The following ANO2 variants were observed in gnomAD, a reference collection of about 807,000 sequenced individuals.
The protein encoded by ANO2 is anoctamin-2.
A neutral mutation model predicts 124.2 loss-of-function variants in ANO2; 101 were observed. The ratio of observed to expected loss-of-function variants is 0.81; its 90% CI spans 0.69 to 0.96. ANO2 has a LOEUF of 0.96. ANO2 is among the 40% of genes least tolerant of loss of function. The probability of loss-of-function intolerance (pLI) is 0.00; values close to 1 mark genes in which losing one functional copy is unlikely to be tolerated. For missense variants in ANO2, 1,293 were observed against 1,274.5 expected, an observed-to-expected ratio of 1.01 and a Z score of -0.22; for synonymous variants, 486 against 482.5, an observed-to-expected ratio of 1.01 and a Z score of -0.09.
intron 3 of ANO2, among the ~76,000 whole-genome samples, chr12:5,867,230 G>T (rs1181582905): frequency 2.0e-5 from 3 of 152,192 alleles, no homozygotes; most frequent in Non-Finnish European, 4.4e-5. Context: ...TTCAGCTAAA[G>T]AACTCTTTCT....
intron 6 of ANO2, among the ~76,000 whole-genome samples, chr12:5,829,865 G>GCTAC (rs574350822): frequency 1.9e-3 from 284 of 152,296 alleles, no homozygotes; most frequent in African/African-American, 6.6e-3. Flanking sequence ...TAGAAGAAGA[G>GCTAC]CTACGGTCAC....
intron 20 of ANO2, among the ~76,000 whole-genome samples, chr12:5,593,954 C>T (rs527434175): frequency 6.6e-6 from 1 of 152,174 alleles, no homozygotes; most frequent in Admixed American, 6.5e-5. Flanking sequence ...AAAAGTATGT[C>T]CTTAAAGGAT....
intron 14 of ANO2, among the ~76,000 whole-genome samples, chr12:5,696,305 C>A (rs746231577): frequency 1.8e-4 from 27 of 152,100 alleles, no homozygotes; most frequent in Admixed American, 3.3e-4. Flanking sequence ...TTTAAAATCA[C>A]AAAGGCAACA....
intron 13 of ANO2, among the ~76,000 whole-genome samples, chr12:5,738,435 T>C (rs1950962195): frequency 6.6e-6 from 1 of 152,216 alleles, no homozygotes; most frequent in South Asian, 2.1e-4. Flanking sequence ...AAGTGCCTCC[T>C]GGCCCTTCTA....
chr12:5,945,375 C>T (rs2136331596), upstream of ANO2: 2 of 738,340 alleles, frequency 2.7e-6, no homozygotes, highest in East Asian at 2.6e-4. Context: ...CCGCCGGCGC[C>T]GCGCAGCCAC....
chr12:5,698,755 C>T (rs977111560), intron 14 of ANO2, among the ~76,000 whole-genome samples: 12 of 152,106 alleles, frequency 7.9e-5, no homozygotes, highest in Non-Finnish European at 1.3e-4. Context: ...CCTTAAATGA[C>T]CTGATGGAGC....
At chr12:5,935,863 T>C (rs1942627205) in intron 1 of ANO2, among the ~76,000 whole-genome samples, 1 of 152,202 alleles carries the variant, frequency 6.6e-6, no homozygotes, top group Admixed American at 6.5e-5. Flanking sequence ...CAACCAGGGT[T>C]GAGACCATTA....
chr12:5,610,983 T>TTCTTTGCTTTTTTTTTTG (rs1944519019), intron 19 of ANO2, among the ~76,000 whole-genome samples: 1 of 121,658 alleles, frequency 8.2e-6, no homozygotes, highest in African/African-American at 3.1e-5. Flanking sequence ...TTTTTTTTTT[T>TTCTTTGCTTTTTTTTTTG]TTTTTTGAGA....
At chr12:5,761,375 T>C (rs1000587840) in intron 10 of ANO2, among the ~76,000 whole-genome samples, 2 of 152,148 alleles carry the variant, frequency 1.3e-5, no homozygotes, top group African/African-American at 4.8e-5. Flanking sequence ...ACATCCCCCA[T>C]AAGATTACTT....
chr12:5,831,663 T>C (rs536065379), intron 5 of ANO2, among the ~76,000 whole-genome samples: 1 of 152,166 alleles, frequency 6.6e-6, no homozygotes, highest in Non-Finnish European at 1.5e-5. Context: ...TGTAGGATAA[T>C]ATCAAACACA....
At chr12:5,592,787 G>T (rs1287789178) in intron 20 of ANO2, among the ~76,000 whole-genome samples, 1 of 152,186 alleles carries the variant, frequency 6.6e-6, no homozygotes, top group Non-Finnish European at 1.5e-5. Flanking sequence ...AGCGAGGTAA[G>T]TATCCACAAA....
At chr12:5,630,107 T>TC (rs1262024332) in intron 16 of ANO2, among the ~76,000 whole-genome samples, 1 of 152,160 alleles carries the variant, frequency 6.6e-6, no homozygotes, top group Non-Finnish European at 1.5e-5. Context: ...AGGAAACTGG[T>TC]CTTCCATTAC....
At chr12:5,608,547 C>T (rs3782594) in intron 19 of ANO2, among the ~76,000 whole-genome samples, 26,825 of 151,922 alleles carry the variant, frequency 0.18, 2,663 homozygotes, top group Non-Finnish European at 0.22. Flanking sequence ...GGTGTTAGAG[C>T]TTGAAGACAC....
intron 3 of ANO2, among the ~76,000 whole-genome samples, chr12:5,860,945 A>G (rs73255193): frequency 6.6e-6 from 1 of 152,204 alleles, no homozygotes; most frequent in South Asian, 2.1e-4. Flanking sequence ...CAAGGCTTCA[A>G]ATGTCAGTCT....
At chr12:5,733,212 C>T in intron 13 of ANO2, 1 of 418,234 alleles carries the variant, frequency 2.4e-6, no homozygotes, top group Non-Finnish European at 4.5e-6. Flanking sequence ...GTTTCCTGTG[C>T]AGCCTCGGTG....
At chr12:5,739,013 G>C (rs895876467) in intron 13 of ANO2, 1 of 509,326 alleles carries the variant, frequency 2.0e-6, no homozygotes, top group Non-Finnish European at 3.8e-6. Context: ...TCAAGATTAC[G>C]TCTTGCCTCT....
chr12:5,740,033 C>T (rs539764493), intron 12 of ANO2: 27 of 452,402 alleles, frequency 6.0e-5, no homozygotes, highest in African/African-American at 5.2e-4. Flanking sequence ...GCCACACCTA[C>T]ACATCCATCA....
intron 10 of ANO2, among the ~76,000 whole-genome samples, chr12:5,793,556 G>A (rs913235860): frequency 1.1e-4 from 16 of 152,180 alleles, no homozygotes; most frequent in Admixed American, 6.5e-4. Context: ...GCTGATCAAG[G>A]AGGCAATGAG....
chr12:5,658,539 C>G lies in ANO2; in HGVS notation c.1546-10738G>C. Among the ~76,000 whole-genome samples the G allele has an allele frequency of 6.6e-6, 1 of 152,068 alleles. No individual in the cohort carries two copies. Among genetic ancestry groups the G allele is most frequent in the East Asian group, 1.9e-4 (1 of 5,162 alleles). On this transcript the variant is annotated intron_variant, in intron 14 of 24. Transcript: ENST00000682330. The surrounding 1 kb of genome is among the most constrained non-coding windows in gnomAD (Gnocchi z 4.3). ...ATCATCAACATCAATATCATCGTAT[C>G]AAAATCAATATAATCACCAACATCA...
Sources: gnomAD v4.1 joint callset for allele counts (sites outside exome capture counted in the v4.1 genomes callset) on GRCh38, gnomAD v4.1.1 for gene constraint, Gnocchi (gnomAD v3.1) non-coding constraint, MANE v1.5 for transcripts, NCBI Gene and HGNC (gene_info 2026-07-23, HGNC 2026-07-21) for gene names.